Variants in MCTP2 observed in about 807,000 individuals in gnomAD.
The protein encoded by MCTP2 is multiple C2 and transmembrane domain containing 2, also known as multiple C2 and transmembrane domain-containing protein 2.
A neutral mutation model predicts 111.6 loss-of-function variants in MCTP2; 132 were observed. The ratio of observed to expected loss-of-function variants is 1.18; its 90% CI spans 1.03 to 1.37. The LOEUF (loss-of-function observed/expected upper bound fraction) is 1.37. Ranked by LOEUF, MCTP2 falls within the 40% of genes most tolerant of loss-of-function variation. The pLI is 0.00. For missense variants in MCTP2, 1,183 were observed against 1,067.9 expected, an observed-to-expected ratio of 1.11 and a Z score of -1.50; for synonymous variants, 395 against 387.7, an observed-to-expected ratio of 1.02 and a Z score of -0.22.
intron 1 of MCTP2, among the ~76,000 whole-genome samples, chr15:94,236,624 A>G (rs1038214021): frequency 6.6e-6 from 1 of 152,070 alleles, no homozygotes; most frequent in African/African-American, 2.4e-5. Flanking sequence ...TGTGTCATCT[A>G]TGCATGCGTT....
chr15:94,236,978 G>A (rs2070616865), intron 1 of MCTP2, among the ~76,000 whole-genome samples: 1 of 152,112 alleles, frequency 6.6e-6, no homozygotes, highest in Non-Finnish European at 1.5e-5. Context: ...TGCTGGGCCT[G>A]TGGATCAGGT....
chr15:94,300,509 C>CA (rs34484349), intron 2 of MCTP2, among the ~76,000 whole-genome samples: 97,432 of 126,246 alleles, frequency 0.77, 36,493 homozygotes, highest in East Asian at 0.89. Context: ...GACTCTGTCT[C>CA]AAAAAAAAAA....
Position 94,401,939 on chromosome 15 carries a change from A to G in MCTP2, c.2005A>G (p.Met669Val), listed in dbSNP as rs143471122. 4 of 1,612,930 alleles carry G rather than the reference A, an allele frequency of 2.5e-6. No individual in the cohort carries two copies. Among genetic ancestry groups the G allele is most frequent in the East Asian group, 2.2e-5 (1 of 44,832 alleles). Reference protein sequence around the residue: ...RDVDRVKRITMAIWNTMQFLK... With the variant: ...RDVDRVKRITVAIWNTMQFLK... ...TGTGGACCGTGTGAAAAGAATCACT[A>G]TGGCAATATGGAATACAATGCAGTT... is the stretch of plus-strand genomic sequence containing the variant. The change falls in exon 17 of 23, where the codon ATG (methionine) becomes GTG (valine). Residue 669 changes from methionine to valine, a missense_variant. Met to Val is a conservative substitution (Grantham distance 21, BLOSUM62 1). Transcript: ENST00000357742.
chr15:94,251,162 A>G (rs1329977873), intron 1 of MCTP2, among the ~76,000 whole-genome samples: 3 of 152,234 alleles, frequency 2.0e-5, no homozygotes, highest in Non-Finnish European at 4.4e-5. Context: ...CCGTAGCCAC[A>G]GTGAGGACAG....
intron 4 of MCTP2, among the ~76,000 whole-genome samples, chr15:94,318,459 T>G (rs1317175447): frequency 6.6e-6 from 1 of 151,982 alleles, no homozygotes; most frequent in East Asian, 1.9e-4. Context: ...AATTTTTGTA[T>G]TTTTAGTAGA....
At position 94,384,919 on chromosome 15, in the gene MCTP2, T is replaced by A. The variant is rs148599653; in HGVS notation, c.1686-504T>A. ...TGGCTCCATTTTTCATTGTCCCTGG[T>A]ATCTGGCTTCTGGTCAATATTAAAA... On this transcript the variant is annotated intron_variant, in intron 13 of 22. Transcript: ENST00000357742. Among the ~76,000 whole-genome samples, 43 of 152,346 alleles carry A rather than the reference T, an allele frequency of 2.8e-4. 1 individual carries two copies. In the East Asian group the frequency reaches 7.1e-3, roughly 25 times the overall value.
At position 94,236,377 on chromosome 15, in the gene MCTP2, C is replaced by CTTTTTTTTTTTTTTTT. The variant is rs71132992; in HGVS notation, c.-66+4726_-66+4741dup. ...TATGATTCAATCCTTTCTTTTTTTT[C>CTTTTTTTTTTTTTTTT]TTTTTTTTTTTTTTTTTTTTTTTTT... On this transcript the variant is annotated intron_variant, in intron 1 of 22. Transcript: ENST00000357742. 4.3e-4 allele frequency among the ~76,000 whole-genome samples: 31 copies of CTTTTTTTTTTTTTTTT among 72,522 alleles called. 1 individual carries two copies. Among genetic ancestry groups the CTTTTTTTTTTTTTTTT allele is most frequent in the East Asian group, 1.4e-3 (3 of 2,152 alleles). 47.6% of individuals were successfully genotyped at this position (72,522 alleles called of 152,430 possible).
At chr15:94,318,271 AATTTTTTTTTTTTTTT>A (rs1390619928) in intron 4 of MCTP2, among the ~76,000 whole-genome samples, 22 of 97,638 alleles carry the variant, frequency 2.3e-4, no homozygotes, top group East Asian at 1.4e-3. Context: ...TCAAAAAAAA[AATTTTTTTTTTTTTTT>A]TTTTTTTTTT....
At chr15:94,453,922 T>C (rs2084633155) in intron 19 of MCTP2, among the ~76,000 whole-genome samples, 1 of 152,232 alleles carries the variant, frequency 6.6e-6, no homozygotes, top group African/African-American at 2.4e-5. Context: ...AAATGCATGT[T>C]GATATATCTC....
intron 10 of MCTP2, among the ~76,000 whole-genome samples, chr15:94,360,306 T>A (rs924228967): frequency 6.6e-6 from 1 of 152,188 alleles, no homozygotes; most frequent in Non-Finnish European, 1.5e-5. Context: ...GGTCCAGTCT[T>A]CTACAGACAT....
At chr15:94,284,775 T>G (rs980650714) in intron 1 of MCTP2, among the ~76,000 whole-genome samples, 4 of 152,174 alleles carry the variant, frequency 2.6e-5, no homozygotes, top group African/African-American at 9.6e-5. Context: ...CTAAGAATCT[T>G]TGGAGCTTAT....
intron 8 of MCTP2, among the ~76,000 whole-genome samples, chr15:94,347,873 G>GTC (rs554879973): frequency 2.3e-4 from 34 of 148,296 alleles, no homozygotes; most frequent in Non-Finnish European, 3.9e-4. Flanking sequence ...CACATATTCT[G>GTC]TCTCTCTCTC....
At chr15:94,446,553 G>T (rs1255894136) in intron 19 of MCTP2, among the ~76,000 whole-genome samples, 1 of 152,162 alleles carries the variant, frequency 6.6e-6, no homozygotes, top group Non-Finnish European at 1.5e-5. Context: ...GAAAGGTCAA[G>T]CAAGACAATA....
At chr15:94,428,926 C>T (rs2083021407) in intron 17 of MCTP2, among the ~76,000 whole-genome samples, 1 of 151,918 alleles carries the variant, frequency 6.6e-6, no homozygotes, top group Non-Finnish European at 1.5e-5. Flanking sequence ...GTAAGCATGG[C>T]TCCAAAAAAA....
chr15:94,362,966 T>A (rs145848645), intron 10 of MCTP2, among the ~76,000 whole-genome samples: 1 of 152,342 alleles, frequency 6.6e-6, no homozygotes, highest in Non-Finnish European at 1.5e-5. Flanking sequence ...GAAAAAAAAG[T>A]AATTTAGTCT....
intron 1 of MCTP2, among the ~76,000 whole-genome samples, chr15:94,274,584 A>C (rs2074085898): frequency 6.6e-6 from 1 of 152,144 alleles, no homozygotes; most frequent in Admixed American, 6.5e-5. Flanking sequence ...GGATATTATG[A>C]ATAACTCTAG....
intron 17 of MCTP2, among the ~76,000 whole-genome samples, chr15:94,409,143 TG>T (rs1400935524): frequency 1.3e-5 from 2 of 152,158 alleles, no homozygotes; most frequent in African/African-American, 4.8e-5. Flanking sequence ...ACCCTTAATC[TG>T]GGTGGGCACC....
chr15:94,292,646 C>G (rs2075085864), intron 1 of MCTP2, among the ~76,000 whole-genome samples: 1 of 152,174 alleles, frequency 6.6e-6, no homozygotes, highest in South Asian at 2.1e-4. Flanking sequence ...CTGCCATGTG[C>G]TTGTATTGGA....
intron 4 of MCTP2, among the ~76,000 whole-genome samples, chr15:94,320,922 G>T (rs2076603840): frequency 6.6e-6 from 1 of 152,196 alleles, no homozygotes; most frequent in African/African-American, 2.4e-5. Flanking sequence ...ACTTGGCTTT[G>T]TGACCTCCTT....
Sources: allele counts gnomAD v4.1 joint callset (sites outside exome capture counted in the v4.1 genomes callset), GRCh38; gene constraint gnomAD v4.1.1; transcripts MANE v1.5; gene names NCBI Gene and HGNC (gene_info 2026-07-23, HGNC 2026-07-21).